Variants in CZIB observed in about 807,000 individuals in gnomAD.
CZIB encodes the protein CXXC motif containing zinc binding protein, also known as UPF0587 protein C1orf123.
A neutral mutation model predicts 28.3 loss-of-function variants in CZIB; 26 were observed. The ratio of observed to expected loss-of-function variants is 0.92; its 90% CI spans 0.67 to 1.27. CZIB has a LOEUF of 1.27. Ranked by LOEUF, CZIB falls within the 50% of genes most tolerant of loss-of-function variation. CZIB has a pLI of 0.00. For synonymous variants in CZIB, 78 were observed against 71.1 expected, an observed-to-expected ratio of 1.10 and a Z score of -0.49; for missense variants, 179 against 197.3, an observed-to-expected ratio of 0.91 and a Z score of 0.56.
intron 2 of CZIB, chr1:53,219,938 CCAAAT>C: frequency 6.4e-6 from 2 of 312,998 alleles, no homozygotes; most frequent in Non-Finnish European, 1.2e-5. Context: ...ATAAAGAAAA[CCAAAT>C]CAATAAACGA....
At chr1:53,219,018 C>G in intron 2 of CZIB, 95 bp from the exon 3 acceptor site, 1 of 1,061,662 alleles carries the variant, frequency 9.4e-7, no homozygotes, top group African/African-American at 1.6e-5. Context: ...GGCTCATGAT[C>G]TACCTTCTTG....
chr1:53,216,578 G>A (rs1308014326), intron 6 of CZIB, among the ~76,000 whole-genome samples: 1 of 152,158 alleles, frequency 6.6e-6, no homozygotes, highest in Middle Eastern at 3.2e-3. Context: ...AATTCATAGG[G>A]TTACCATAAG....
chr1:53,220,513 C>T (rs1645516468), intron 1 of CZIB, 57 bp downstream of exon 1: 2 of 1,600,286 alleles, frequency 1.2e-6, no homozygotes, highest in South Asian at 2.2e-5. Flanking sequence ...GAGCTGTTGC[C>T]TCCCAGACCC....
rs113278028 is a variant in CZIB at position 53,216,053 on chromosome 1, C to T, written c.343G>A (p.Gly115Arg). The change falls in exon 7 of 8, where the codon GGG becomes AGG. Residue 115 changes from glycine to arginine, a missense_variant. Gly to Arg is a moderately radical substitution (Grantham distance 125). Transcript: ENST00000294360. ...LEPVDFQPQAGFAAEGVESGT... is the reference protein window; with the variant it reads ...LEPVDFQPQARFAAEGVESGT... ...GACTCCACACCTTCAGCAGCAAACC[C>T]AGCCTGCAGGGCACAAGAAGGTACC... The T allele has an allele frequency of 4.5e-3, 7,271 of 1,614,118 alleles. 46 individuals carry two copies. Among genetic ancestry groups the T allele is most frequent in the Non-Finnish European group, 4.4e-3 (5,143 of 1,179,980 alleles).
rs750348708 is a variant in CZIB at position 53,214,721 on chromosome 1, CAT to C, written c.419_420del (p.Tyr140Ter). On this transcript the variant is annotated frameshift_variant, in exon 8 of 8. Coordinates refer to ENST00000294360, the MANE Select transcript of CZIB (RefSeq NM_017887.3). LOFTEE classifies it high-confidence loss of function. ...INLQEKDWTD[Y>X]DEKAQESVGI... ...CCCACAGACTCCTGGGCCTTTTCAT[CAT>C]AGTCAGTCCAGTCCTGGGAAACAAA... 5.0e-6 allele frequency: 8 copies of C among 1,614,032 alleles called. No individual in the cohort carries two copies. Among genetic ancestry groups the C allele is most frequent in the African/African-American group, 1.3e-5 (1 of 75,050 alleles).
intron 2 of CZIB, 132 bp from the exon 3 acceptor site, chr1:53,219,055 C>A: frequency 1.3e-6 from 1 of 758,236 alleles, no homozygotes; most frequent in South Asian, 1.6e-5. Context: ...ATCCCTAACA[C>A]CTGCCCCAAC....
chr1:53,215,931 CA>C (rs1359708373), intron 7 of CZIB, 59 bp downstream of exon 7: 65 of 1,557,878 alleles, frequency 4.2e-5, no homozygotes, highest in Admixed American at 1.0e-4. Flanking sequence ...CCTTGTCCAC[CA>C]AAAAAATAAT....
At chr1:53,215,894 A>G in intron 7 of CZIB, 97 bp downstream of exon 7, 3 of 1,282,540 alleles carry the variant, frequency 2.3e-6, no homozygotes, top group Non-Finnish European at 3.4e-6. Context: ...AAGCACAAAA[A>G]TACAGAGTTG....
At chr1:53,214,854 A>G (rs904497095) in intron 7 of CZIB, 118 bp from the exon 8 acceptor site, 2 of 770,596 alleles carry the variant, frequency 2.6e-6, no homozygotes, top group African/African-American at 3.4e-5. Context: ...ATGAACATGT[A>G]TGACCCTGAA....
At chr1:53,216,727 A>C in intron 6 of CZIB, 55 bp downstream of exon 6, 3 of 1,489,716 alleles carry the variant, frequency 2.0e-6, no homozygotes, top group Non-Finnish European at 2.8e-6. Flanking sequence ...TCTGGCTGTC[A>C]CTTCATACAT....
chr1:53,217,456 C>G (rs569986350), intron 5 of CZIB: 1 of 153,898 alleles, frequency 6.5e-6, no homozygotes, highest in Admixed American at 6.4e-5. Context: ...GCCTACCTGA[C>G]CTATGGGCTT....
chr1:53,218,482 A>T lies in CZIB; in HGVS notation c.161T>A (p.Leu54Gln), dbSNP rs113531134. Residue 54 changes from leucine (L) to glutamine (Q), a missense_variant, in exon 4 of 8, where the codon CTG becomes CAG. Coordinates refer to ENST00000294360, the MANE Select transcript of CZIB (RefSeq NM_017887.3). ...QYIRLMDSVA[L>Q]KGGRGSASMV... ...GGAAGCACTGCCACGGCCCCCCTTC[A>T]GTGCCACACTGTCCTGGCAAAAAGC... The T allele has an allele frequency of 3.1e-6, 5 of 1,614,176 alleles. No homozygotes were observed. The African/African-American group carries it at 5.3e-5, about 17-fold the overall frequency.
At chr1:53,220,159 T>C (rs1645509920) in intron 2 of CZIB, 102 bp downstream of exon 2, 2 of 1,024,906 alleles carry the variant, frequency 2.0e-6, no homozygotes, top group African/African-American at 3.2e-5. Flanking sequence ...GAACACTTAA[T>C]GTGCCTGGTT....
At chr1:53,220,540 G>T (rs202185341) in intron 1 of CZIB, 30 bp downstream of exon 1, 1 of 1,599,998 alleles carries the variant, frequency 6.3e-7, no homozygotes, top group African/African-American at 1.3e-5. Context: ...CCTCCCCTCC[G>T]TGTCCCCGCG....
At position 53,220,603 on chromosome 1, in the gene CZIB, GC is replaced by G. The variant is rs1451010253; in HGVS notation, c.-29del. 8 of 1,595,238 alleles carry G rather than the reference GC, an allele frequency of 5.0e-6. No individual in the cohort carries two copies. The highest frequency in any genetic ancestry group is 2.0e-4 in the Middle Eastern group (1 of 4,990). ...TAGCCCTCTCCGCCCGGTGCTGGCT[GC>G]GGCCCTTGCCGTTGCTTTCCGGCGC... On this transcript the variant is annotated 5_prime_UTR_variant, in exon 1 of 8. Coordinates refer to ENST00000294360, the MANE Select transcript of CZIB (RefSeq NM_017887.3).
At chr1:53,214,875 T>G (rs1645459878) in intron 7 of CZIB, 139 bp from the exon 8 acceptor site, 2 of 619,142 alleles carry the variant, frequency 3.2e-6, no homozygotes, top group African/African-American at 3.7e-5. Flanking sequence ...CAGAGCCAGA[T>G]AGCTCAGGCC....
At chr1:53,215,168 G>A (rs891933667) in intron 7 of CZIB, among the ~76,000 whole-genome samples, 3 of 151,968 alleles carry the variant, frequency 2.0e-5, no homozygotes, top group South Asian at 2.1e-4. Flanking sequence ...GGTGAAACCC[G>A]GTCTCTACTA....
chr1:53,218,582 TAA>T, intron 3 of CZIB, 87 bp from the exon 4 acceptor site: 1 of 1,338,536 alleles, frequency 7.5e-7, no homozygotes, highest in Non-Finnish European at 1.1e-6. Flanking sequence ...ATTGTCCACT[TAA>T]AGAGACCAAG....
intron 4 of CZIB, 33 bp from the exon 5 acceptor site, chr1:53,218,236 G>C (rs72673130): frequency 1.2e-5 from 19 of 1,613,334 alleles, no homozygotes; most frequent in Non-Finnish European, 1.5e-5. Context: ...AAGTTGACTT[G>C]AGTCCATACC....
Sources: gnomAD v4.1 joint callset for allele counts (sites outside exome capture counted in the v4.1 genomes callset) on GRCh38, gnomAD v4.1.1 for gene constraint, MANE v1.5 for transcripts, NCBI Gene and HGNC (gene_info 2026-07-23, HGNC 2026-07-21) for gene names.